GSTA1: variants seen among roughly 807,000 people sequenced by gnomAD.
The protein encoded by GSTA1 is glutathione S-transferase alpha 1.
In GSTA1, 23 loss-of-function variants were observed where a neutral mutation model predicts 21.5. That is an observed-to-expected ratio of 1.07 (90% CI 0.77 to 1.52). GSTA1 has a LOEUF of 1.52. Among genes scored for constraint, GSTA1 ranks in the 40% most tolerant of loss-of-function variants. The probability of loss-of-function intolerance (pLI) is 0.00; values close to 1 mark genes in which losing one functional copy is unlikely to be tolerated. For synonymous variants in GSTA1, 125 were observed against 90.0 expected, an observed-to-expected ratio of 1.39 and a Z score of -2.20; for missense variants, 301 against 264.2, an observed-to-expected ratio of 1.14 and a Z score of -0.96.
intron 3 of GSTA1, among the ~76,000 whole-genome samples, chr6:52,797,037 A>T (rs935045494): frequency 1.3e-5 from 2 of 152,158 alleles, no homozygotes; most frequent in African/African-American, 4.8e-5. Context: ...ACTGGCAACA[A>T]GATGCCATTT....
At chr6:52,794,062 A>G (rs2127301146) in intron 5 of GSTA1, 63 bp downstream of exon 5, 1 of 1,599,520 alleles carries the variant, frequency 6.3e-7, no homozygotes. Flanking sequence ...AGGAATGCCC[A>G]GCCACTATTT....
intron 1 of GSTA1, among the ~76,000 whole-genome samples, chr6:52,800,842 A>T (rs1423795792): frequency 6.6e-6 from 1 of 152,208 alleles, no homozygotes; most frequent in African/African-American, 2.4e-5. Context: ...TTGAGTGTGG[A>T]ACAAAAATAT....
At position 52,791,847 on chromosome 6, in the gene GSTA1, T is replaced by A; in HGVS notation, c.*11A>T. 2 of 1,614,040 alleles carry A rather than the reference T, an allele frequency of 1.2e-6. No homozygotes were observed. The highest frequency in any genetic ancestry group is 1.1e-5 in the South Asian group (1 of 91,070). On this transcript the variant is annotated 3_prime_UTR_variant, in exon 7 of 7. Coordinates refer to ENST00000334575, the MANE Select transcript of GSTA1 (RefSeq NM_145740.5). ...TGGTATTGCAAGTTCTTGGCCTCCATGACTGCGTTATTAAAACCTGAAAAT... is the reference window on the plus strand; with the variant it reads ...TGGTATTGCAAGTTCTTGGCCTCCAAGACTGCGTTATTAAAACCTGAAAAT...
chr6:52,794,214 G>A lies in GSTA1; in HGVS notation c.325C>T (p.Leu109=), dbSNP rs748489427. 3 of 1,613,732 alleles carry A rather than the reference G, an allele frequency of 1.9e-6. No individual in the cohort carries two copies. Among genetic ancestry groups the A allele is most frequent in the African/African-American group, 2.7e-5 (2 of 74,920 alleles). The change falls in exon 5 of 7, where the codon CTG becomes TTG. Residue 109 remains leucine (L), a synonymous_variant. Coordinates refer to ENST00000334575, the MANE Select transcript of GSTA1 (RefSeq NM_145740.5). ...TTTTCCTCAGGTGGACATACGGGCA[G>A]AAGGAGGATCATTTCACCCAAATCT... ...IADLGEMILL[L]PVCPPEEKDA...
chr6:52,792,953 C>A lies in GSTA1; in HGVS notation c.449G>T (p.Gly150Val). ...LKSHGQDYLV[G>V]NKLSRADIHL... ...AATGTCAGCCCGGCTCAGCTTGTTG[C>A]CAACAAGGTAGTCTTGTCCATGGCT... Residue 150 changes from glycine to valine, a missense_variant, in exon 6 of 7, where the codon GGC (glycine) becomes GTC (valine). By Grantham distance (109) the Gly-to-Val change is moderately radical. Coordinates refer to ENST00000334575, the MANE Select transcript of GSTA1 (RefSeq NM_145740.5). The A allele has an allele frequency of 6.2e-7, 1 of 1,614,002 alleles. No homozygotes were observed. The highest frequency in any genetic ancestry group is 8.5e-7 in the Non-Finnish European group (1 of 1,179,970).
At chr6:52,802,447 G>C (rs930753239) in intron 1 of GSTA1, among the ~76,000 whole-genome samples, 2 of 152,144 alleles carry the variant, frequency 1.3e-5, no homozygotes. Context: ...TTTGAGGGTT[G>C]TTGAGAAAGT....
At chr6:52,794,311 G>T (rs7453026) in intron 4 of GSTA1, 45 bp from the exon 5 acceptor site, 17 of 1,569,946 alleles carry the variant, frequency 1.1e-5, no homozygotes, top group Non-Finnish European at 1.1e-5. Context: ...TTTTGCCTTA[G>T]ATTTTATAGG....
At chr6:52,793,402 A>T (rs1763504699) in intron 5 of GSTA1, among the ~76,000 whole-genome samples, 1 of 151,932 alleles carries the variant, frequency 6.6e-6, no homozygotes, top group African/African-American at 2.4e-5. Flanking sequence ...CACCTTCATG[A>T]CAACACTCTT....
chr6:52,802,181 C>T (rs989043974), intron 1 of GSTA1, among the ~76,000 whole-genome samples: 4 of 152,082 alleles, frequency 2.6e-5, no homozygotes, highest in African/African-American at 9.7e-5. Flanking sequence ...AATTACTTTA[C>T]ATCAATAATT....
At position 52,797,607 on chromosome 6, in the gene GSTA1, C is replaced by T. The variant is rs963761882; in HGVS notation, c.118G>A (p.Asp40Asn). 7 of 1,607,978 alleles carry T rather than the reference C, an allele frequency of 4.4e-6. No individual in the cohort carries two copies. In the African/African-American group the frequency reaches 5.3e-5, roughly 12 times the overall value. ...TTACCATTTCTTAACTTGTCCAAAT[C>T]TTCTGCAGATTTTATAAATTTCTCT... ...FEEKFIKSAE[D>N]LDKLRNDGYL... Residue 40 changes from aspartate (D) to asparagine (N), a missense_variant, in exon 3 of 7, where the codon GAT (aspartate) becomes AAT (asparagine). By Grantham distance (23) the Asp-to-Asn change is conservative. Transcript: ENST00000334575.
intron 6 of GSTA1, 111 bp downstream of exon 6, chr6:52,792,745 A>T (rs750837956): frequency 1.2e-6 from 2 of 1,609,906 alleles, no homozygotes. Context: ...ACCTTGGGGC[A>T]CTGAAGGCCT....
chr6:52,799,591 G>A (rs1160012709), intron 1 of GSTA1, among the ~76,000 whole-genome samples: 3 of 152,144 alleles, frequency 2.0e-5, no homozygotes, highest in African/African-American at 7.2e-5. Flanking sequence ...GGAAGAGGAA[G>A]AATTCAAGAA....
chr6:52,801,350 T>G (rs1260026568), intron 1 of GSTA1, among the ~76,000 whole-genome samples: 1 of 152,222 alleles, frequency 6.6e-6, no homozygotes, highest in Non-Finnish European at 1.5e-5. Flanking sequence ...ATTTTGACAT[T>G]GTACTTTCTA....
chr6:52,799,054 C>T (rs1763650134), intron 2 of GSTA1, 127 bp downstream of exon 2: 3 of 860,016 alleles, frequency 3.5e-6, no homozygotes, highest in Admixed American at 2.5e-5. Flanking sequence ...TCATCTTTTT[C>T]TTAATTACAG....
chr6:52,803,016 C>A (rs1763751686), intron 1 of GSTA1, among the ~76,000 whole-genome samples: 1 of 152,094 alleles, frequency 6.6e-6, no homozygotes, highest in African/African-American at 2.4e-5. Flanking sequence ...TGGTTCTCAA[C>A]CAGGGGGATT....
intron 3 of GSTA1, among the ~76,000 whole-genome samples, chr6:52,796,567 A>G (rs1457584495): frequency 2.7e-5 from 2 of 73,312 alleles, no homozygotes; most frequent in African/African-American, 8.8e-5. Flanking sequence ...TTTTTTTGGC[A>G]GAGTATCATT....
At chr6:52,792,037 C>T (rs994988108) in intron 6 of GSTA1, 57 bp from the exon 7 acceptor site, 1 of 1,606,212 alleles carries the variant, frequency 6.2e-7, no homozygotes, top group African/African-American at 1.3e-5. Flanking sequence ...CCACCATTAA[C>T]ATGACCCAGG....
In GSTA1 at chr6:52,794,218, G is replaced by T. The variant is rs1051720; in HGVS notation, c.321C>A (p.Leu107=). 1 of 1,613,884 alleles carries T rather than the reference G, an allele frequency of 6.2e-7. No individual in the cohort carries two copies. Among genetic ancestry groups the T allele is most frequent in the Non-Finnish European group, 8.5e-7 (1 of 1,179,772 alleles). ...CCTCAGGTGGACATACGGGCAGAAG[G>T]AGGATCATTTCACCCAAATCTGCTA... The part of the protein sequence containing the change: ...EGIADLGEMI[L]LLPVCPPEEK... Residue 107 remains leucine (L), a synonymous_variant, in exon 5 of 7, where the codon CTC becomes CTA. Coordinates refer to ENST00000334575, the MANE Select transcript of GSTA1 (RefSeq NM_145740.5).
At chr6:52,796,156 A>G (rs1763574691) in intron 4 of GSTA1, 26 bp downstream of exon 4, 2 of 1,611,826 alleles carry the variant, frequency 1.2e-6, no homozygotes, top group African/African-American at 2.7e-5. Context: ...TTCTCTGTGG[A>G]TGGAAGAACA....
Sources: gnomAD v4.1 joint callset for allele counts (sites outside exome capture counted in the v4.1 genomes callset) on GRCh38, gnomAD v4.1.1 for gene constraint, MANE v1.5 for transcripts, NCBI Gene and HGNC (gene_info 2026-07-23, HGNC 2026-07-21) for gene names.